Variants in NSUN4 observed in about 807,000 individuals in gnomAD.
NSUN4 encodes 5-cytosine rRNA methyltransferase NSUN4.
A neutral mutation model predicts 43.8 loss-of-function variants in NSUN4; 31 were observed. The ratio of observed to expected loss-of-function variants is 0.71; its 90% confidence interval spans 0.53 to 0.96. The LOEUF (loss-of-function observed/expected upper bound fraction) is 0.96. NSUN4 is among the 40% of genes least tolerant of loss of function. NSUN4 has a pLI of 0.00. For synonymous variants in NSUN4, 167 were observed against 184.1 expected (o/e 0.91, Z 0.75); for missense variants, 439 against 475.6 (o/e 0.92, Z 0.72).
At position 46,340,892 on chromosome 1, in the gene NSUN4, G is replaced by T. The variant is rs1001186933; in HGVS notation, c.66G>T (p.Pro22=). 8 of 1,613,488 alleles carry T rather than the reference G, an allele frequency of 5.0e-6. No homozygotes were observed. The highest frequency in any genetic ancestry group is 6.8e-6 in the Non-Finnish European group (8 of 1,179,722). ...AGCGTGTGGACCTCGCGACGGTCCCGCGGAGACATCGATATAAGAAGAAAT... is the reference window on the plus strand; with the variant it reads ...AGCGTGTGGACCTCGCGACGGTCCCTCGGAGACATCGATATAAGAAGAAAT... ...LLKRVDLATV[P]RRHRYKKKWA... is the part of the protein sequence containing the mutation. The change falls in exon 1 of 6, where the codon CCG becomes CCT. Residue 22 remains proline, a synonymous_variant. Coordinates refer to ENST00000474844, the MANE Select transcript of NSUN4 (RefSeq NM_199044.4).
In NSUN4 at chr1:46,351,138, G is replaced by A. The variant is rs185420740; in HGVS notation, c.593-1730G>A. On this transcript the variant is annotated intron_variant, in intron 3 of 5. Coordinates refer to ENST00000474844, the MANE Select transcript of NSUN4 (RefSeq NM_199044.4). ...CCCAGCACTTTGGGAGGCCGACGCA[G>A]GCAGATCACCTGAGGTCGGGAGTTC... 2.7e-3 allele frequency among the ~76,000 whole-genome samples: 410 copies of A among 152,290 alleles called. 2 individuals carry two copies. The highest frequency in any genetic ancestry group is 9.7e-3 in the African/African-American group (402 of 41,566).
the NSUN4 span, among the ~76,000 whole-genome samples, chr1:46,374,925 C>T: frequency 6.6e-6 from 1 of 151,518 alleles, no homozygotes; most frequent in Non-Finnish European, 1.5e-5. Flanking sequence ...AGTGTTCCCA[C>T]CATACACAAA....
At chr1:46,369,417 CT>C (rs541554194), downstream of NSUN4, among the ~76,000 whole-genome samples, 758 of 152,242 alleles carry the variant, frequency 5.0e-3, 6 homozygotes, top group Non-Finnish European at 7.7e-3. Flanking sequence ...GAAAAAAGTC[CT>C]TGTTCTCATG....
chr1:46,361,652 G>A lies in NSUN4; in HGVS notation c.961G>A (p.Val321Met). The A allele has an allele frequency of 6.2e-7, 1 of 1,614,188 alleles. No individual in the cohort carries two copies. Among genetic ancestry groups the A allele is most frequent in the African/African-American group, 1.3e-5 (1 of 75,040 alleles). Residue 321 changes from valine (V) to methionine (M), a missense_variant, in exon 6 of 6, where the codon GTG becomes ATG. By Grantham distance (21) the Val-to-Met change is conservative. Transcript: ENST00000474844. ...CTCACACTTACAGAACGAGTATGTG[G>A]TGCAAGGTGCCATTGAGCTCCTGGC... ...SLSHLQNEYV[V>M]QGAIELLANQ...
At chr1:46,348,702 T>C in intron 3 of NSUN4, among the ~76,000 whole-genome samples, 1 of 84,042 alleles carries the variant, frequency 1.2e-5, no homozygotes, top group Non-Finnish European at 2.1e-5. Context: ...AGAGCAAAAC[T>C]CTGTCTCAAA....
At chr1:46,371,064 A>G in the NSUN4 span, 1 of 152,444 alleles carries the variant, frequency 6.6e-6, no homozygotes, top group South Asian at 2.1e-4. Context: ...GCCCAGGGTC[A>G]CATAGCAAGT....
At chr1:46,342,341 C>T (rs911467163) in intron 1 of NSUN4, 1 of 399,172 alleles carries the variant, frequency 2.5e-6, no homozygotes, top group East Asian at 3.6e-5. Flanking sequence ...GCTTCCCACT[C>T]TCTTCTCAGG....
Position 46,344,968 on chromosome 1 carries a change from T to A in NSUN4, c.261T>A (p.Ser87Arg). The A allele has an allele frequency of 6.2e-7, 1 of 1,614,212 alleles. No homozygotes were observed. Among genetic ancestry groups the A allele is most frequent in the Non-Finnish European group, 8.5e-7 (1 of 1,180,032 alleles). Residue 87 changes from serine (S) to arginine (R), a missense_variant, in exon 2 of 6, where the codon AGT (serine) becomes AGA (arginine). By Grantham distance (110) the Ser-to-Arg change is moderately radical (BLOSUM62 -1). Coordinates refer to ENST00000474844, the MANE Select transcript of NSUN4 (RefSeq NM_199044.4). ...VNNFAAWDHV[S>R]AKLEQLSAKD... ...ACTTTGCTGCCTGGGATCATGTAAG[T>A]GCTAAGCTGGAGCAGCTGAGTGCCA...
At chr1:46,341,333 C>T in intron 1 of NSUN4, 1 of 1,006,074 alleles carries the variant, frequency 9.9e-7, no homozygotes, top group Non-Finnish European at 1.2e-6. Context: ...CCCGGTCGCC[C>T]TCACCCCTCG....
At chr1:46,341,157 C>T (rs1183523881) in intron 1 of NSUN4, 8 of 1,303,954 alleles carry the variant, frequency 6.1e-6, no homozygotes, top group Non-Finnish European at 7.8e-6. Flanking sequence ...GTTGCGTCAT[C>T]ACCTTCGCCT....
chr1:46,381,371 G>A, the NSUN4 span, among the ~76,000 whole-genome samples: 2 of 152,150 alleles, frequency 1.3e-5, no homozygotes, highest in East Asian at 3.9e-4. Context: ...TCTCTCACAG[G>A]AACAAAGTGG....
intron 4 of NSUN4, among the ~76,000 whole-genome samples, chr1:46,358,718 T>A (rs1001901598): frequency 2.0e-5 from 3 of 152,168 alleles, no homozygotes; most frequent in Non-Finnish European, 4.4e-5. Context: ...ATTATTTTAC[T>A]GTGTTTATTT....
At chr1:46,350,131 G>T (rs1028141076) in intron 3 of NSUN4, among the ~76,000 whole-genome samples, 2 of 152,192 alleles carry the variant, frequency 1.3e-5, no homozygotes, top group Non-Finnish European at 2.9e-5. Context: ...AGAATTGGAG[G>T]TAGAGCCAGA....
At chr1:46,375,392 G>A in the NSUN4 span, among the ~76,000 whole-genome samples, 12 of 148,826 alleles carry the variant, frequency 8.1e-5, no homozygotes, top group Non-Finnish European at 1.8e-4. Flanking sequence ...CCAAGATCAC[G>A]CCATTGCACT....
chr1:46,368,753 A>G (rs1267736904), downstream of NSUN4, among the ~76,000 whole-genome samples: 1 of 152,222 alleles, frequency 6.6e-6, no homozygotes, highest in Non-Finnish European at 1.5e-5. Flanking sequence ...TCATCTGCTT[A>G]TAATTCTTTG....
Position 46,345,018 on chromosome 1 carries a change from C to T in NSUN4, c.311C>T (p.Ser104Phe), listed in dbSNP as rs541422142. The T allele has an allele frequency of 3.1e-6, 5 of 1,614,178 alleles. No individual in the cohort carries two copies. Among genetic ancestry groups the T allele is most frequent in the African/African-American group, 1.3e-5 (1 of 75,062 alleles). The change falls in exon 2 of 6, where the codon TCC becomes TTC. Residue 104 changes from serine (S) to phenylalanine (F), a missense_variant. Transcript: ENST00000474844. Reference protein sequence around the residue: ...SAKDFVNEAISHWELQSEGGQ... With the variant: ...SAKDFVNEAIFHWELQSEGGQ... ...AAGGATTTTGTGAATGAAGCCATCTCCCACTGGGAACTGCAGTCTGAGGGT... is the reference window on the plus strand; with the variant it reads ...AAGGATTTTGTGAATGAAGCCATCTTCCACTGGGAACTGCAGTCTGAGGGT...
chr1:46,352,915 C>T lies in NSUN4; in HGVS notation c.640C>T (p.Gln214Ter), dbSNP rs1663109510. 1.9e-6 allele frequency: 3 copies of T among 1,614,056 alleles called. No homozygotes were observed. Among genetic ancestry groups the T allele is most frequent in the African/African-American group, 1.3e-5 (1 of 74,926 alleles). ...DLSPSRIARL[Q>*]KILHSYVPEE... ...CTCCCCGTCCCGAATAGCCAGACTA[C>T]AGAAGATCCTTCACAGCTATGTGCC... The change falls in exon 4 of 6, where the codon CAG (glutamine) becomes TAG (stop). Residue 214 changes from glutamine to a stop codon, truncating the protein, a stop_gained. Transcript: ENST00000474844. LOFTEE classifies it high-confidence loss of function.
chr1:46,351,659 C>CTTT (rs1190689943), intron 3 of NSUN4, among the ~76,000 whole-genome samples: 904 of 88,698 alleles, frequency 0.01, 4 homozygotes, highest in East Asian at 0.041. Context: ...GACCCAGTCT[C>CTTT]TTTTTTTTTT....
At chr1:46,347,328 C>T (rs1001195369) in intron 3 of NSUN4, among the ~76,000 whole-genome samples, 4 of 152,068 alleles carry the variant, frequency 2.6e-5, no homozygotes, top group African/African-American at 4.8e-5. Context: ...ATACCAGCTA[C>T]TCAGGAGGCT....
Sources: allele counts gnomAD v4.1 joint callset (sites outside exome capture counted in the v4.1 genomes callset), GRCh38; gene constraint gnomAD v4.1.1; transcripts MANE v1.5; gene names NCBI Gene and HGNC (gene_info 2026-07-23, HGNC 2026-07-21).